FBXL13: variants seen among roughly 807,000 people sequenced by gnomAD.
The protein encoded by FBXL13 is F-box and leucine-rich repeat protein 13.
In FBXL13, 67 loss-of-function variants were observed where a neutral mutation model predicts 83.6. The ratio of observed to expected loss-of-function variants is 0.80; its 90% CI spans 0.66 to 0.98. FBXL13 has a LOEUF of 0.98. Among genes scored for constraint, FBXL13 ranks in the 50% least tolerant of loss-of-function variants. The pLI is 0.00. For synonymous variants in FBXL13, 272 were observed against 299.5 expected (o/e 0.91, Z 0.95); for missense variants, 822 against 866.5 (o/e 0.95, Z 0.64).
intron 2 of FBXL13, among the ~76,000 whole-genome samples, chr7:103,050,401 G>T (rs1796688860): frequency 6.6e-6 from 1 of 152,128 alleles, no homozygotes; most frequent in Admixed American, 6.5e-5. Flanking sequence ...CATCATAAAG[G>T]AAAATTAACT....
At chr7:102,867,904 G>A (rs564252392) in intron 16 of FBXL13, among the ~76,000 whole-genome samples, 7 of 151,140 alleles carry the variant, frequency 4.6e-5, no homozygotes, top group Middle Eastern at 3.4e-3. Flanking sequence ...GGGTTTCACC[G>A]TGTTAGCCAG....
chr7:102,971,359 A>G (rs902575018), intron 6 of FBXL13, among the ~76,000 whole-genome samples: 7 of 152,314 alleles, frequency 4.6e-5, no homozygotes, highest in African/African-American at 1.7e-4. Flanking sequence ...GCACTTTGGG[A>G]GGCTGAGGCA....
intron 9 of FBXL13, among the ~76,000 whole-genome samples, chr7:102,926,990 G>A (rs1247500725): frequency 1.3e-5 from 2 of 152,164 alleles, no homozygotes; most frequent in Non-Finnish European, 1.5e-5. Context: ...AATGCTGGGA[G>A]TAGGGTGGGG....
intron 1 of FBXL13, among the ~76,000 whole-genome samples, chr7:103,064,243 G>A (rs1215390515): frequency 2.6e-5 from 4 of 152,156 alleles, no homozygotes; most frequent in African/African-American, 7.2e-5. Flanking sequence ...CCTCCCTGTC[G>A]TTACAAACAT....
chr7:102,982,889 AATCTCT>A (rs1166759996), intron 6 of FBXL13, among the ~76,000 whole-genome samples: 6 of 152,210 alleles, frequency 3.9e-5, no homozygotes, highest in African/African-American at 1.4e-4. Context: ...ATAAATGCAG[AATCTCT>A]ATTTAGAGAA....
chr7:102,992,825 T>C (rs1829719552), intron 6 of FBXL13, among the ~76,000 whole-genome samples: 1 of 152,220 alleles, frequency 6.6e-6, no homozygotes, highest in Non-Finnish European at 1.5e-5. Context: ...CAGGTTTCTC[T>C]GGAACTTCTG....
intron 6 of FBXL13, among the ~76,000 whole-genome samples, chr7:102,972,810 A>C (rs1826879736): frequency 6.6e-6 from 1 of 152,048 alleles, no homozygotes; most frequent in African/African-American, 2.4e-5. Context: ...TAAATTTAAC[A>C]AAATGTATTG....
chr7:102,912,563 A>G (rs1455388234), intron 11 of FBXL13, among the ~76,000 whole-genome samples: 1 of 151,890 alleles, frequency 6.6e-6, no homozygotes. Flanking sequence ...ATATTTTCCC[A>G]CGCAGATCTC....
intron 11 of FBXL13, among the ~76,000 whole-genome samples, chr7:102,886,765 AATAATAT>A (rs1810852265): frequency 6.6e-6 from 1 of 152,208 alleles, no homozygotes; most frequent in Non-Finnish European, 1.5e-5. Flanking sequence ...AGCAGACACT[AATAATAT>A]GAGCACCCAG....
chr7:102,819,799 G>A (rs978365236), intron 19 of FBXL13, among the ~76,000 whole-genome samples: 1 of 152,188 alleles, frequency 6.6e-6, no homozygotes, highest in Non-Finnish European at 1.5e-5. Context: ...GTGAGCATAG[G>A]TAAGGGATTA....
At chr7:102,929,198 G>A (rs1037270688) in intron 9 of FBXL13, among the ~76,000 whole-genome samples, 5 of 152,136 alleles carry the variant, frequency 3.3e-5, no homozygotes, top group Non-Finnish European at 7.4e-5. Context: ...GTTTTGAAAA[G>A]ATGTTTTACT....
intron 1 of FBXL13, among the ~76,000 whole-genome samples, chr7:103,067,257 A>G (rs1177275085): frequency 1.3e-5 from 2 of 152,136 alleles, no homozygotes; most frequent in Non-Finnish European, 2.9e-5. Flanking sequence ...TGGATATTTG[A>G]GTTTTACCAG....
intron 6 of FBXL13, among the ~76,000 whole-genome samples, chr7:103,014,776 A>T (rs1043029409): frequency 6.6e-6 from 1 of 151,908 alleles, no homozygotes; most frequent in Non-Finnish European, 1.5e-5. Flanking sequence ...ACAAAAAATT[A>T]GCCGGGCAAG....
At chr7:102,933,410 T>A (rs1217861915) in intron 8 of FBXL13, 1 of 152,278 alleles carries the variant, frequency 6.6e-6, no homozygotes, top group Admixed American at 6.5e-5. Flanking sequence ...ACTGCAGGCT[T>A]CGGTTTTCAT....
chr7:102,868,779 T>C (rs1461590165), intron 16 of FBXL13, among the ~76,000 whole-genome samples: 3 of 152,260 alleles, frequency 2.0e-5, no homozygotes, highest in Admixed American at 2.0e-4. Flanking sequence ...GCAGTTCTCA[T>C]GCTTCAGCCT....
intron 8 of FBXL13, among the ~76,000 whole-genome samples, chr7:102,941,747 C>CAAA (rs111478330): frequency 7.6e-6 from 1 of 131,334 alleles, no homozygotes; most frequent in African/African-American, 2.8e-5. Flanking sequence ...AAAGCTGTCT[C>CAAA]AAAAAAAAAA....
At chr7:103,008,027 GC>G (rs994181304) in intron 6 of FBXL13, among the ~76,000 whole-genome samples, 19 of 152,272 alleles carry the variant, frequency 1.2e-4, no homozygotes, top group African/African-American at 4.3e-4. Context: ...GGAGCCCAAG[GC>G]TGGTGATAGA....
intron 8 of FBXL13, chr7:102,934,488 G>T: frequency 3.1e-6 from 5 of 1,614,148 alleles, no homozygotes; most frequent in Non-Finnish European, 4.2e-6. Context: ...TACGCCAAGT[G>T]TGAAAGTCCA....
intron 5 of FBXL13, among the ~76,000 whole-genome samples, chr7:103,025,473 G>C (rs1563237547): frequency 6.6e-6 from 1 of 152,252 alleles, no homozygotes; most frequent in African/African-American, 2.4e-5. Flanking sequence ...ATCTTGAAAC[G>C]CTGATCTAGT....
Sources: allele counts gnomAD v4.1 joint callset (sites outside exome capture counted in the v4.1 genomes callset), GRCh38; gene constraint gnomAD v4.1.1; transcripts MANE v1.5; gene names NCBI Gene and HGNC (gene_info 2026-07-23, HGNC 2026-07-21).